CCSER1: variants seen among roughly 807,000 people sequenced by gnomAD.
The protein encoded by CCSER1 is coiled-coil serine rich protein 1.
A neutral mutation model predicts 82.0 loss-of-function variants in CCSER1; 41 were observed. The ratio of observed to expected loss-of-function variants is 0.50; its 90% CI spans 0.39 to 0.65. The LOEUF (loss-of-function observed/expected upper bound fraction) is 0.65. CCSER1 is among the 30% of genes least tolerant of loss of function. The pLI, the probability that CCSER1 is intolerant of heterozygous loss-of-function variation, is 0.00. For missense variants in CCSER1, 1,119 were observed against 1,064.2 expected (o/e 1.05, Z -0.72); for synonymous variants, 414 against 383.9 (o/e 1.08, Z -0.92).
At chr4:90,880,279 T>C (rs1312327934) in intron 8 of CCSER1, among the ~76,000 whole-genome samples, 2 of 152,094 alleles carry the variant, frequency 1.3e-5, no homozygotes, top group African/African-American at 4.8e-5. Flanking sequence ...ACCTTAGTAG[T>C]AGTTATGGCT....
intron 6 of CCSER1, among the ~76,000 whole-genome samples, chr4:90,683,366 A>G (rs1734236158): frequency 1.3e-5 from 2 of 152,036 alleles, no homozygotes; most frequent in Non-Finnish European, 2.9e-5. Context: ...AGCTCAAGCT[A>G]TTTTGCTACT....
Position 91,160,207 on chromosome 4 carries a change from C to T in CCSER1, c.2217+74213C>T, listed in dbSNP as rs1261400375. 2.0e-5 allele frequency among the ~76,000 whole-genome samples: 3 copies of T among 152,100 alleles called. No individual in the cohort carries two copies. The East Asian group carries it at 5.8e-4, about 29-fold the overall frequency. On this transcript the variant is annotated intron_variant, in intron 10 of 10. Transcript: ENST00000509176. ...GATGGTTTCCAGCTTCATCCATGTC[C>T]CTACAAAGGACATGAACTCATCCAT...
intron 3 of CCSER1, among the ~76,000 whole-genome samples, chr4:90,346,246 T>C (rs1742310573): frequency 1.3e-5 from 2 of 152,064 alleles, no homozygotes; most frequent in Non-Finnish European, 2.9e-5. Flanking sequence ...TAAATATAAA[T>C]AGGCAAAATG....
intron 10 of CCSER1, among the ~76,000 whole-genome samples, chr4:91,488,453 T>C (rs1176261245): frequency 6.6e-6 from 1 of 152,154 alleles, no homozygotes; most frequent in African/African-American, 2.4e-5. Context: ...TGGTTTGGAT[T>C]TGTACCCCCA....
At chr4:90,532,767 G>A (rs1170918857) in intron 5 of CCSER1, among the ~76,000 whole-genome samples, 3 of 152,116 alleles carry the variant, frequency 2.0e-5, no homozygotes, top group Non-Finnish European at 2.9e-5. Flanking sequence ...ATTTCCCTAG[G>A]ATATTTTTGT....
intron 8 of CCSER1, among the ~76,000 whole-genome samples, chr4:90,847,883 C>A (rs1763403346): frequency 6.6e-6 from 1 of 151,718 alleles, no homozygotes; most frequent in South Asian, 2.1e-4. Flanking sequence ...TGATGTTTTT[C>A]TTTTTCTCTT....
At chr4:90,295,985 C>T (rs1328387391) in intron 1 of CCSER1, among the ~76,000 whole-genome samples, 1 of 151,900 alleles carries the variant, frequency 6.6e-6, no homozygotes, top group Non-Finnish European at 1.5e-5. Context: ...AGCCAATTCT[C>T]CAATGGAAGA....
At chr4:90,789,808 C>CT in intron 7 of CCSER1, among the ~76,000 whole-genome samples, 2 of 152,304 alleles carry the variant, frequency 1.3e-5, no homozygotes, top group Middle Eastern at 6.8e-3. Flanking sequence ...GCCCATTAAA[C>CT]TTCTTTTACT....
chr4:91,356,333 G>C (rs1337586221), intron 10 of CCSER1, among the ~76,000 whole-genome samples: 4 of 152,228 alleles, frequency 2.6e-5, no homozygotes, highest in Non-Finnish European at 5.9e-5. Context: ...GCTCGTTGCT[G>C]TTGGTTGTAA....
intron 9 of CCSER1, among the ~76,000 whole-genome samples, chr4:91,003,506 A>C (rs1738228522): frequency 6.6e-6 from 1 of 151,950 alleles, no homozygotes; most frequent in Admixed American, 6.6e-5. Flanking sequence ...GAAGTGGGGG[A>C]AAGCCAGCAG....
chr4:91,421,099 A>G (rs1335283129), intron 10 of CCSER1, among the ~76,000 whole-genome samples: 1 of 152,202 alleles, frequency 6.6e-6, no homozygotes, highest in Non-Finnish European at 1.5e-5. Flanking sequence ...ACTGTCAATT[A>G]TTAGATGAAT....
intron 7 of CCSER1, among the ~76,000 whole-genome samples, chr4:90,771,719 G>A (rs1752209464): frequency 6.6e-6 from 1 of 151,950 alleles, no homozygotes; most frequent in African/African-American, 2.4e-5. Flanking sequence ...CTATTTCATA[G>A]ATCTTGATAT....
intron 5 of CCSER1, among the ~76,000 whole-genome samples, chr4:90,594,310 A>G (rs1162615135): frequency 6.6e-6 from 1 of 152,134 alleles, no homozygotes; most frequent in African/African-American, 2.4e-5. Context: ...TTCACTTAGC[A>G]CTGTGTCTTG....
intron 7 of CCSER1, among the ~76,000 whole-genome samples, chr4:90,813,728 C>T (rs1385665657): frequency 1.3e-5 from 2 of 152,164 alleles, no homozygotes; most frequent in Non-Finnish European, 2.9e-5. Context: ...AACTATAAGT[C>T]CAATTAAACC....
At chr4:90,264,915 T>TC (rs1337066998) in intron 1 of CCSER1, among the ~76,000 whole-genome samples, 3 of 152,214 alleles carry the variant, frequency 2.0e-5, no homozygotes, top group South Asian at 4.1e-4. Flanking sequence ...GATTACATTG[T>TC]CCCACTAAAC....
chr4:91,406,271 C>A (rs1343777687), intron 10 of CCSER1, among the ~76,000 whole-genome samples: 1 of 152,018 alleles, frequency 6.6e-6, no homozygotes. Flanking sequence ...ACCTTCAAAC[C>A]CCTTCTTCTT....
chr4:90,375,590 A>G (rs1279224544), intron 3 of CCSER1, among the ~76,000 whole-genome samples: 1 of 152,088 alleles, frequency 6.6e-6, no homozygotes, highest in Non-Finnish European at 1.5e-5. Flanking sequence ...CCTAAACTTA[A>G]CTGAATGCTG....
intron 1 of CCSER1, among the ~76,000 whole-genome samples, chr4:90,234,657 C>T (rs973648305): frequency 5.9e-5 from 9 of 152,098 alleles, no homozygotes; most frequent in African/African-American, 2.2e-4. Context: ...TATTGAGTCC[C>T]TATTATCTGA....
At chr4:90,814,992 A>T (rs1758811160) in intron 7 of CCSER1, among the ~76,000 whole-genome samples, 1 of 151,956 alleles carries the variant, frequency 6.6e-6, no homozygotes, top group South Asian at 2.1e-4. Flanking sequence ...CCAATCACCA[A>T]TTTTCTGTAT....
Sources: gnomAD v4.1 joint callset for allele counts (sites outside exome capture counted in the v4.1 genomes callset) on GRCh38, gnomAD v4.1.1 for gene constraint, MANE v1.5 for transcripts, NCBI Gene and HGNC (gene_info 2026-07-23, HGNC 2026-07-21) for gene names.